The following COLEC10 variants were observed in gnomAD, a reference collection of about 807,000 sequenced individuals.
COLEC10 encodes collectin subfamily member 10, also known as collectin-10.
COLEC10 carries 22 observed loss-of-function variants against 28.4 expected under a neutral mutation model. The ratio of observed to expected loss-of-function variants is 0.78; its 90% CI spans 0.55 to 1.11. COLEC10 has a LOEUF of 1.11. Ranked by LOEUF, COLEC10 falls within the 50% of genes least tolerant of loss-of-function variation. COLEC10 has a pLI of 0.00. For synonymous variants in COLEC10, 125 were observed against 116.1 expected (o/e 1.08, Z -0.49); for missense variants, 361 against 344.1 (o/e 1.05, Z -0.39).
the COLEC10 span, among the ~76,000 whole-genome samples, chr8:118,963,556 A>G: frequency 1.3e-5 from 2 of 152,180 alleles, no homozygotes; most frequent in Non-Finnish European, 2.9e-5. Context: ...CAATTCTAAG[A>G]TGCCCATTTA....
intron 1 of COLEC10, among the ~76,000 whole-genome samples, chr8:119,069,228 C>T (rs1815037660): frequency 6.6e-6 from 1 of 151,974 alleles, no homozygotes; most frequent in Admixed American, 6.6e-5. Context: ...GTATATTCAT[C>T]ACTGCCTTTC....
At chr8:119,091,937 G>A (rs946835488) in intron 3 of COLEC10, among the ~76,000 whole-genome samples, 3 of 152,066 alleles carry the variant, frequency 2.0e-5, no homozygotes, top group Non-Finnish European at 4.4e-5. Context: ...TACAAAATAG[G>A]CAGAGGACAG....
chr8:118,971,266 A>G, the COLEC10 span, among the ~76,000 whole-genome samples: 1 of 152,010 alleles, frequency 6.6e-6, no homozygotes, highest in Non-Finnish European at 1.5e-5. Flanking sequence ...TAGTTGGCAT[A>G]GACTACACTC....
At chr8:119,101,713 A>G (rs1192667476) in intron 3 of COLEC10, among the ~76,000 whole-genome samples, 1 of 152,196 alleles carries the variant, frequency 6.6e-6, no homozygotes, top group Non-Finnish European at 1.5e-5. Flanking sequence ...ATCCTTTCAA[A>G]GCACCCAGCC....
chr8:118,968,471 G>T, the COLEC10 span, among the ~76,000 whole-genome samples: 1 of 151,836 alleles, frequency 6.6e-6, no homozygotes, highest in South Asian at 2.1e-4. Context: ...TAGATTGTAA[G>T]CTCCACAGCA....
chr8:118,953,516 G>GT, the COLEC10 span, among the ~76,000 whole-genome samples: 1 of 152,158 alleles, frequency 6.6e-6, no homozygotes, highest in Admixed American at 6.5e-5. Context: ...AGACCTTGGA[G>GT]AAAACTAATC....
At chr8:118,985,345 C>G in the COLEC10 span, among the ~76,000 whole-genome samples, 3 of 152,074 alleles carry the variant, frequency 2.0e-5, no homozygotes, top group Non-Finnish European at 2.9e-5. Flanking sequence ...AAACCTCTTT[C>G]TTCATGATTC....
intron 2 of COLEC10, among the ~76,000 whole-genome samples, chr8:119,054,220 C>A (rs920600239): frequency 5.9e-5 from 9 of 152,042 alleles, no homozygotes; most frequent in African/African-American, 1.4e-4. Flanking sequence ...ACTCAGATGG[C>A]ACCCAATTTA....
the COLEC10 span, among the ~76,000 whole-genome samples, chr8:118,987,176 A>G: frequency 6.6e-6 from 1 of 152,184 alleles, no homozygotes; most frequent in African/African-American, 2.4e-5. Flanking sequence ...ACACCTCGAT[A>G]TATTGTAAGT....
chr8:118,966,912 A>G, the COLEC10 span, among the ~76,000 whole-genome samples: 2 of 152,222 alleles, frequency 1.3e-5, no homozygotes, highest in East Asian at 3.9e-4. Context: ...GCCAGGTACC[A>G]TATTTCTATT....
chr8:119,000,846 G>C (rs1813683184), intron 1 of COLEC10, among the ~76,000 whole-genome samples: 1 of 152,182 alleles, frequency 6.6e-6, no homozygotes, highest in South Asian at 2.1e-4. Context: ...TGAAAATATT[G>C]AATCTGCTGA....
At chr8:119,064,498 T>C (rs1406226899), upstream of COLEC10, among the ~76,000 whole-genome samples, 4 of 152,210 alleles carry the variant, frequency 2.6e-5, 1 homozygote, top group Admixed American at 2.6e-4. Flanking sequence ...CTTAGAATCA[T>C]AGAATTTAGA....
chr8:118,974,923 C>A, the COLEC10 span, among the ~76,000 whole-genome samples: 9 of 151,886 alleles, frequency 5.9e-5, no homozygotes, highest in Non-Finnish European at 8.8e-5. Flanking sequence ...AAAAGGGAGA[C>A]ATTTATGTGG....
At chr8:118,969,495 G>A in the COLEC10 span, among the ~76,000 whole-genome samples, 1 of 152,076 alleles carries the variant, frequency 6.6e-6, no homozygotes, top group South Asian at 2.1e-4. Context: ...GGCACTGTTA[G>A]CAGTAAACAT....
chr8:119,053,683 A>AG (rs879481322), intron 2 of COLEC10, among the ~76,000 whole-genome samples: 1,256 of 94,730 alleles, frequency 0.013, 9 homozygotes, highest in Non-Finnish European at 0.013. Context: ...TTAAAAAAAA[A>AG]GGTGGGGGGG....
intron 1 of COLEC10, among the ~76,000 whole-genome samples, chr8:118,999,115 T>C (rs1813643518): frequency 1.3e-5 from 2 of 152,176 alleles, no homozygotes; most frequent in South Asian, 4.1e-4. Flanking sequence ...TAGCTAAGAC[T>C]ATTAAAAAGG....
chr8:118,989,669 A>G, the COLEC10 span, among the ~76,000 whole-genome samples: 1 of 151,980 alleles, frequency 6.6e-6, no homozygotes, highest in South Asian at 2.1e-4. Flanking sequence ...AAATTTTAAG[A>G]TTATATCAAT....
intron 1 of COLEC10, among the ~76,000 whole-genome samples, chr8:119,085,651 T>C (rs892704519): frequency 2.1e-5 from 3 of 143,850 alleles, no homozygotes; most frequent in African/African-American, 5.1e-5. Context: ...GCTGTTGAGA[T>C]GCAGTCTCGC....
At chr8:118,965,477 T>C in the COLEC10 span, among the ~76,000 whole-genome samples, 1 of 152,072 alleles carries the variant, frequency 6.6e-6, no homozygotes, top group Non-Finnish European at 1.5e-5. Context: ...TGCCCCATTT[T>C]CCCCATTTCT....
Sources: gnomAD v4.1 joint callset for allele counts (sites outside exome capture counted in the v4.1 genomes callset) on GRCh38, gnomAD v4.1.1 for gene constraint, MANE v1.5 for transcripts, NCBI Gene and HGNC (gene_info 2026-07-23, HGNC 2026-07-21) for gene names.